SCN1A: variants seen among roughly 807,000 people sequenced by gnomAD.
The protein encoded by SCN1A is sodium channel protein type 1 subunit alpha.
Under a neutral mutation model 193.7 loss-of-function variants are expected in SCN1A, and 13 were observed. The observed-to-expected ratio is 0.07, with a 90% confidence interval of 0.04 to 0.11. The LOEUF (loss-of-function observed/expected upper bound fraction) is 0.11. Among genes scored for constraint, SCN1A ranks in the 10% least tolerant of loss-of-function variants. The pLI, the probability that SCN1A is intolerant of heterozygous loss-of-function variation, is 1.00. For synonymous variants in SCN1A, 781 were observed against 843.6 expected (o/e 0.93, Z 1.29); for missense variants, 1,432 against 2,451.1 (o/e 0.58, Z 8.78).
intron 26 of SCN1A, among the ~76,000 whole-genome samples, chr2:165,997,439 C>T (rs1690232296): frequency 6.6e-6 from 1 of 151,174 alleles, no homozygotes; most frequent in Admixed American, 6.6e-5. Context: ...TATTTACTTT[C>T]CATATGTTCT....
intron 19 of SCN1A, among the ~76,000 whole-genome samples, chr2:166,030,178 G>A (rs1412451181): frequency 6.6e-6 from 1 of 152,184 alleles, no homozygotes; most frequent in African/African-American, 2.4e-5. Context: ...TTAAGAGCGT[G>A]ACTCTGGAGC....
At chr2:166,147,302 G>A (rs937382403) in intron 1 of SCN1A, among the ~76,000 whole-genome samples, 2 of 152,108 alleles carry the variant, frequency 1.3e-5, no homozygotes, top group Non-Finnish European at 2.9e-5. Flanking sequence ...ACATAGATTA[G>A]TTAATAATGT....
chr2:166,121,837 C>T (rs768539965), intron 2 of SCN1A, among the ~76,000 whole-genome samples: 1 of 152,152 alleles, frequency 6.6e-6, no homozygotes, highest in Non-Finnish European at 1.5e-5. Context: ...TCCGGTACCT[C>T]AGAATGTGAC....
At chr2:166,141,701 C>G (rs552067177) in intron 1 of SCN1A, among the ~76,000 whole-genome samples, 1 of 151,082 alleles carries the variant, frequency 6.6e-6, no homozygotes, top group South Asian at 2.1e-4. Context: ...ATGATAAACA[C>G]TTATGTTATT....
rs1686441189 is a variant in SCN1A, at chr2:166,088,836, G to A, written c.-141-11035C>T. On this transcript the variant is annotated intron_variant, in intron 2 of 28. Coordinates refer to ENST00000674923, the MANE Select transcript of SCN1A (RefSeq NM_001165963.4). ...GTAAAGGAAACAGTGATGTCCAAAG[G>A]GGCTGGACTGGCAGATTGGAAGTAG... Among the ~76,000 whole-genome samples the A allele has an allele frequency of 2.0e-5, 3 of 152,204 alleles. No homozygotes were observed. In the Middle Eastern group the frequency reaches 0.01, roughly 518 times the overall value.
Position 165,992,268 on chromosome 2 carries a change from C to T in SCN1A, c.5007G>A (p.Ala1669=), listed in dbSNP as rs750366817. 24 of 1,613,794 alleles carry T rather than the reference C, an allele frequency of 1.5e-5. No homozygotes were observed. In the East Asian group the frequency reaches 5.1e-4, roughly 34 times the overall value. The change falls in exon 29 of 29, where the codon GCG becomes GCA. Residue 1669 remains alanine (A), a synonymous_variant. Transcript: ENST00000674923. This position sits in a 1 kb window ranked among gnomAD's most constrained non-coding sequence, Gnocchi z 6.5. ...LLFALMMSLP[A]LFNIGLLLFL... ...AGAGTAGGAGGCCGATGTTAAACAA[C>T]GCAGGAAGGGACATCATCAAAGCAA...
chr2:166,009,680 G>T, intron 23 of SCN1A, 39 bp downstream of exon 23: 3 of 1,554,204 alleles, frequency 1.9e-6, no homozygotes, highest in East Asian at 2.3e-5. Flanking sequence ...GTTTAATTTT[G>T]GCTATATACA....
chr2:166,074,242 C>G (rs1009518544), intron 3 of SCN1A, among the ~76,000 whole-genome samples: 1 of 152,196 alleles, frequency 6.6e-6, no homozygotes, highest in Non-Finnish European at 1.5e-5. Flanking sequence ...GCTCACTTCA[C>G]TAGCCATGCA....
At chr2:166,084,575 C>T (rs1685896710) in intron 2 of SCN1A, among the ~76,000 whole-genome samples, 1 of 152,094 alleles carries the variant, frequency 6.6e-6, no homozygotes, top group Non-Finnish European at 1.5e-5. Flanking sequence ...GTACAATTCC[C>T]TTTGAAGGAA....
At chr2:166,118,572 C>A (rs943300222) in intron 2 of SCN1A, among the ~76,000 whole-genome samples, 2 of 151,812 alleles carry the variant, frequency 1.3e-5, no homozygotes, top group African/African-American at 4.8e-5. Flanking sequence ...GACCTGACAC[C>A]GGACTGTTTT....
chr2:166,065,724 A>G (rs1683771112), intron 4 of SCN1A, among the ~76,000 whole-genome samples: 1 of 152,090 alleles, frequency 6.6e-6, no homozygotes, highest in East Asian at 1.9e-4. Flanking sequence ...CCTTCACTTA[A>G]TGACAGATGT....
At chr2:166,050,085 G>A (rs1295369897) in intron 9 of SCN1A, among the ~76,000 whole-genome samples, 1 of 151,790 alleles carries the variant, frequency 6.6e-6, no homozygotes, top group Non-Finnish European at 1.5e-5. Context: ...ACCTAGACAG[G>A]AAAGTTGACA....
intron 2 of SCN1A, among the ~76,000 whole-genome samples, chr2:166,080,718 T>C (rs1685428780): frequency 6.6e-6 from 1 of 151,746 alleles, no homozygotes; most frequent in Non-Finnish European, 1.5e-5. Flanking sequence ...GTGGAAATTT[T>C]GAGTGGAAAG....
chr2:166,076,562 C>CA (rs1375297419), intron 3 of SCN1A, among the ~76,000 whole-genome samples: 1 of 151,696 alleles, frequency 6.6e-6, no homozygotes, highest in East Asian at 1.9e-4. Flanking sequence ...TTTGGAAAGG[C>CA]AAAAAACCCA....
chr2:166,004,010 C>G (rs544729309), intron 23 of SCN1A, among the ~76,000 whole-genome samples: 1 of 151,506 alleles, frequency 6.6e-6, no homozygotes, highest in South Asian at 2.1e-4. Flanking sequence ...CCAGTAATGA[C>G]AAAGGTGGAG....
intron 19 of SCN1A, among the ~76,000 whole-genome samples, chr2:166,030,395 A>G (rs1695396673): frequency 1.3e-5 from 1 of 74,700 alleles, no homozygotes; most frequent in African/African-American, 6.0e-5. Context: ...TTATTAACAT[A>G]ACCTGAATTA....
At chr2:165,999,870 G>T in intron 24 of SCN1A, 94 bp from the exon 25 acceptor site, 2 of 987,876 alleles carry the variant, frequency 2.0e-6, no homozygotes, top group Non-Finnish European at 3.2e-6. Flanking sequence ...TTTCAAAAGG[G>T]AATATTTTTG....
chr2:166,007,737 C>A (rs1357024941), intron 23 of SCN1A, among the ~76,000 whole-genome samples: 1 of 151,270 alleles, frequency 6.6e-6, no homozygotes, highest in Non-Finnish European at 1.5e-5. Flanking sequence ...AATAACAGAA[C>A]AACAAAAATA....
chr2:166,013,927 T>TA, intron 20 of SCN1A, 29 bp from the exon 21 acceptor site: 3 of 1,607,378 alleles, frequency 1.9e-6, no homozygotes, highest in Non-Finnish European at 2.5e-6. Context: ...TAAAAGTAGA[T>TA]AAAGTGTCTC....
Sources: allele counts gnomAD v4.1 joint callset (sites outside exome capture counted in the v4.1 genomes callset), GRCh38; gene constraint gnomAD v4.1.1; non-coding constraint Gnocchi (gnomAD v3.1); transcripts MANE v1.5; gene names NCBI Gene and HGNC (gene_info 2026-07-23, HGNC 2026-07-21).